FREM2: variants seen among roughly 807,000 people sequenced by gnomAD.
FREM2 encodes the protein FRAS1-related extracellular matrix protein 2.
FREM2 carries 119 observed loss-of-function variants against 219.9 expected under a neutral mutation model. The observed-to-expected ratio is 0.54, with a 90% CI of 0.47 to 0.63. FREM2 has a LOEUF of 0.63. Among genes scored for constraint, FREM2 ranks in the 30% least tolerant of loss-of-function variants. The probability of loss-of-function intolerance (pLI) is 0.00; values close to 1 mark genes in which losing one functional copy is unlikely to be tolerated. For missense variants in FREM2, 4,030 were observed against 3,993.6 expected (o/e 1.01, Z -0.25); for synonymous variants, 1,562 against 1,522.8 (o/e 1.03, Z -0.60).
At chr13:38,740,736 T>C (rs1217631651) in intron 2 of FREM2, among the ~76,000 whole-genome samples, 1 of 152,232 alleles carries the variant, frequency 6.6e-6, no homozygotes, top group Non-Finnish European at 1.5e-5. Context: ...ACAGTGTATG[T>C]TATCACTTTA....
intron 2 of FREM2, among the ~76,000 whole-genome samples, chr13:38,739,403 T>A (rs1275752020): frequency 1.3e-5 from 2 of 152,120 alleles, no homozygotes; most frequent in Non-Finnish European, 2.9e-5. Flanking sequence ...TTATGTAGAA[T>A]CCTCTTTTGA....
At chr13:38,789,993 T>G (rs1194915127) in intron 6 of FREM2, among the ~76,000 whole-genome samples, 1 of 152,138 alleles carries the variant, frequency 6.6e-6, no homozygotes, top group African/African-American at 2.4e-5. Flanking sequence ...AGAAAGCCTA[T>G]ACAATCCTAG....
intron 1 of FREM2, among the ~76,000 whole-genome samples, chr13:38,697,278 C>T (rs1870149205): frequency 6.6e-6 from 1 of 152,176 alleles, no homozygotes; most frequent in Non-Finnish European, 1.5e-5. Context: ...GAGCAAAGCT[C>T]TGTCCTCTGC....
rs1869679772 is a variant in FREM2 at position 38,689,256 on chromosome 13, C to A, written c.1912C>A (p.Arg638=). Residue 638 remains arginine, a synonymous_variant, in exon 1 of 24, where the codon CGA becomes AGA. Coordinates refer to ENST00000280481, the MANE Select transcript of FREM2 (RefSeq NM_207361.6). ...GAGGAAGGAGGGGGCATTTTATGAG[C>A]GAACAGTGACAGAGTGGCAGCAGCA... ...LWRKEGAFYE[R]TVTEWQQQDI... 1 of 1,614,028 alleles carries A rather than the reference C, an allele frequency of 6.2e-7. No homozygotes were observed. Among genetic ancestry groups the A allele is most frequent in the African/African-American group, 1.3e-5 (1 of 75,002 alleles).
Position 38,884,311 on chromosome 13 carries a change from G to A in FREM2, c.*3524G>A, listed in dbSNP as rs1757340087. On this transcript the variant is annotated 3_prime_UTR_variant, in exon 24 of 24. Coordinates refer to ENST00000280481, the MANE Select transcript of FREM2 (RefSeq NM_207361.6). ...ACATTAAAAATGTAAATGGACCTGT[G>A]TAAATATCACAGAGAGCTTTTCCTT... 6.6e-6 allele frequency: 1 copy of A among 152,160 alleles called. No individual in the cohort carries two copies. Among genetic ancestry groups the A allele is most frequent in the Non-Finnish European group, 1.5e-5 (1 of 68,030 alleles). The allele number at this position is 152,160 out of a possible 1,614,324, so 9.4% of individuals were successfully genotyped here.
rs1383821897 is a variant in FREM2, at chr13:38,687,595, G to C, written c.251G>C (p.Gly84Ala). 1 of 1,608,792 alleles carries C rather than the reference G, an allele frequency of 6.2e-7. No individual in the cohort carries two copies. Among genetic ancestry groups the C allele is most frequent in the Non-Finnish European group, 8.5e-7 (1 of 1,177,750 alleles). ...AACCGCGGACTCCGGGTGCCTTTCG[G>C]CCGTGAAGTCTGGCTGGATCCCCTG... is the stretch of plus-strand genomic sequence containing the variant. The part of the protein sequence containing the change: ...LANRGLRVPF[G>A]REVWLDPLHD... Residue 84 changes from glycine to alanine, a missense_variant, in exon 1 of 24, where the codon GGC becomes GCC. By Grantham distance (60) the Gly-to-Ala change is moderately conservative. Transcript: ENST00000280481.
intron 6 of FREM2, among the ~76,000 whole-genome samples, chr13:38,840,606 A>T (rs1436414271): frequency 1.4e-5 from 2 of 145,540 alleles, no homozygotes; most frequent in Non-Finnish European, 3.0e-5. Context: ...ATATTTTTTA[A>T]CCTGGGGGAT....
At chr13:38,836,923 G>A (rs948401367) in intron 6 of FREM2, among the ~76,000 whole-genome samples, 1 of 151,820 alleles carries the variant, frequency 6.6e-6, no homozygotes, top group East Asian at 1.9e-4. Flanking sequence ...TTTTTTAAAG[G>A]GTTTTTTGCG....
chr13:38,865,432 A>G (rs1436888363), intron 16 of FREM2, among the ~76,000 whole-genome samples: 3 of 152,216 alleles, frequency 2.0e-5, no homozygotes, highest in Non-Finnish European at 4.4e-5. Context: ...TACCTGGACT[A>G]AATAAGGAGT....
chr13:38,796,672 T>G (rs1343523717), intron 6 of FREM2, among the ~76,000 whole-genome samples: 1 of 152,200 alleles, frequency 6.6e-6, no homozygotes, highest in Non-Finnish European at 1.5e-5. Context: ...CATCTGTCAA[T>G]GGACACTTAG....
intron 6 of FREM2, chr13:38,822,001 CTT>C (rs1376259552): frequency 2.6e-5 from 4 of 152,052 alleles, no homozygotes; most frequent in Admixed American, 2.6e-4. Context: ...AGTCACGTGT[CTT>C]TTTAGGCTGT....
At chr13:38,724,839 G>A (rs1871448383) in intron 2 of FREM2, among the ~76,000 whole-genome samples, 1 of 152,142 alleles carries the variant, frequency 6.6e-6, no homozygotes, top group Non-Finnish European at 1.5e-5. Context: ...TTTTGTTGCA[G>A]TAGCTCTCAA....
At chr13:38,875,721 C>CA (rs956571725) in intron 18 of FREM2, among the ~76,000 whole-genome samples, 3 of 152,182 alleles carry the variant, frequency 2.0e-5, no homozygotes, top group Non-Finnish European at 4.4e-5. Context: ...TAGCTCTGAA[C>CA]AATTTGAGCA....
rs552039715 is a variant in FREM2, at chr13:38,785,774, G to C, written c.6019+966G>C. 1.5e-4 allele frequency among the ~76,000 whole-genome samples: 23 copies of C among 152,200 alleles called. 1 individual carries two copies. In the South Asian group the frequency reaches 4.6e-3, roughly 30 times the overall value. On this transcript the variant is annotated intron_variant, in intron 6 of 23. Transcript: ENST00000280481. Reference sequence around the variant, plus strand: ...TTCTTTTAAAAAGACCTTTGCATAGGTTTATTGGATCTTTGTATTTCTTTG... The same window carrying C: ...TTCTTTTAAAAAGACCTTTGCATAGCTTTATTGGATCTTTGTATTTCTTTG...
At position 38,801,750 on chromosome 13, in the gene FREM2, A is replaced by G. The variant is rs561017585; in HGVS notation, c.6019+16942A>G. Among the ~76,000 whole-genome samples, 9 of 152,222 alleles carry G rather than the reference A, an allele frequency of 5.9e-5. No homozygotes were observed. In the East Asian group the frequency reaches 1.5e-3, roughly 26 times the overall value. Reference sequence around the variant, plus strand: ...TGGTAACCTAAGCATGCCTGTCTGTAGGCCCCAAGGTAGTATATGCTGGTA... The same window carrying G: ...TGGTAACCTAAGCATGCCTGTCTGTGGGCCCCAAGGTAGTATATGCTGGTA... On this transcript the variant is annotated intron_variant, in intron 6 of 23. Transcript: ENST00000280481.
chr13:38,738,724 A>G (rs1872109136), intron 2 of FREM2, among the ~76,000 whole-genome samples: 1 of 152,130 alleles, frequency 6.6e-6, no homozygotes, highest in Non-Finnish European at 1.5e-5. Flanking sequence ...AAGTTCAGTC[A>G]GATGCAGAGT....
At chr13:38,776,462 C>T (rs1244476457) in intron 4 of FREM2, among the ~76,000 whole-genome samples, 1 of 152,104 alleles carries the variant, frequency 6.6e-6, no homozygotes, top group Non-Finnish European at 1.5e-5. Flanking sequence ...TCAAATGAAG[C>T]TACAACTACT....
intron 2 of FREM2, among the ~76,000 whole-genome samples, chr13:38,748,110 G>T (rs148758679): frequency 6.6e-6 from 1 of 151,866 alleles, no homozygotes; most frequent in Admixed American, 6.6e-5. Flanking sequence ...ATCTGATCCC[G>T]CATTTGACTA....
chr13:38,835,797 T>G (rs1157149854), intron 6 of FREM2, among the ~76,000 whole-genome samples: 1 of 152,264 alleles, frequency 6.6e-6, no homozygotes, highest in Non-Finnish European at 1.5e-5. Flanking sequence ...ATTCTCAGTA[T>G]CCTGAGACTT....
Sources: allele counts gnomAD v4.1 joint callset (sites outside exome capture counted in the v4.1 genomes callset), GRCh38; gene constraint gnomAD v4.1.1; transcripts MANE v1.5; gene names NCBI Gene and HGNC (gene_info 2026-07-23, HGNC 2026-07-21).